DLGAP1: variants seen among roughly 807,000 people sequenced by gnomAD.
DLGAP1 encodes DLG associated protein 1.
DLGAP1 carries 11 observed loss-of-function variants against 90.8 expected under a neutral mutation model. That is an observed-to-expected ratio of 0.12 (90% CI 0.08 to 0.20). The LOEUF is 0.20. Ranked by LOEUF, DLGAP1 falls within the 10% of genes least tolerant of loss-of-function variation. The probability of loss-of-function intolerance (pLI) is 1.00; values close to 1 mark genes in which losing one functional copy is unlikely to be tolerated. For missense variants in DLGAP1, 1,050 were observed against 1,333.8 expected, an observed-to-expected ratio of 0.79 and a Z score of 3.31; for synonymous variants, 558 against 540.7, an observed-to-expected ratio of 1.03 and a Z score of -0.44.
intron 7 of DLGAP1, among the ~76,000 whole-genome samples, chr18:3,699,834 C>A (rs903931317): frequency 1.3e-5 from 2 of 152,196 alleles, no homozygotes; most frequent in Non-Finnish European, 2.9e-5. Context: ...AGATGCCCTG[C>A]CCAGAGAGGA....
chr18:3,716,698 A>G (rs984972487), intron 7 of DLGAP1, among the ~76,000 whole-genome samples: 1 of 152,138 alleles, frequency 6.6e-6, no homozygotes, highest in Non-Finnish European at 1.5e-5. Flanking sequence ...TTCCTGAGCA[A>G]AAATTCTTGA....
intron 1 of DLGAP1, among the ~76,000 whole-genome samples, chr18:4,389,352 A>T (rs2082296276): frequency 6.6e-6 from 1 of 152,164 alleles, no homozygotes. Flanking sequence ...ATGGCTGCCA[A>T]GGGGTACGGG....
intron 11 of DLGAP1, among the ~76,000 whole-genome samples, chr18:3,508,016 C>A (rs959247291): frequency 6.6e-6 from 1 of 152,156 alleles, no homozygotes; most frequent in African/African-American, 2.4e-5. Flanking sequence ...GGATTACAGG[C>A]GTGAGCCATT....
intron 1 of DLGAP1, among the ~76,000 whole-genome samples, chr18:4,381,802 T>C (rs544199528): frequency 8.5e-5 from 13 of 152,292 alleles, no homozygotes; most frequent in Admixed American, 3.3e-4. Context: ...TGTATTAGTC[T>C]GTTTTCATGC....
At chr18:3,837,719 G>T (rs778687499) in intron 4 of DLGAP1, among the ~76,000 whole-genome samples, 13 of 151,808 alleles carry the variant, frequency 8.6e-5, no homozygotes, top group Admixed American at 2.6e-4. Flanking sequence ...GGGCGTGGTG[G>T]TGTGTGCCTG....
intron 2 of DLGAP1, among the ~76,000 whole-genome samples, chr18:4,073,430 C>T (rs1196149252): frequency 6.6e-6 from 1 of 152,134 alleles, no homozygotes; most frequent in African/African-American, 2.4e-5. Flanking sequence ...ATCAACAGCA[C>T]GTTCTTCCAG....
chr18:3,510,059 T>C (rs2050455453), intron 10 of DLGAP1, among the ~76,000 whole-genome samples: 1 of 152,160 alleles, frequency 6.6e-6, no homozygotes, highest in Admixed American at 6.5e-5. Flanking sequence ...CTGCTCTGCT[T>C]TTAAAATCTC....
intron 1 of DLGAP1, among the ~76,000 whole-genome samples, chr18:4,197,151 GA>G (rs1435002278): frequency 3.0e-5 from 4 of 135,536 alleles, no homozygotes; most frequent in African/African-American, 1.2e-4. Context: ...CCAGCCTGGG[GA>G]CAGGAGCGAA....
At chr18:4,335,067 T>C (rs75052597) in intron 1 of DLGAP1, among the ~76,000 whole-genome samples, 14,150 of 151,932 alleles carry the variant, frequency 0.093, 875 homozygotes, top group Admixed American at 0.13. Context: ...AATCTCTCTT[T>C]AAGAATTATA....
At chr18:4,411,077 A>G (rs145732140) in intron 1 of DLGAP1, among the ~76,000 whole-genome samples, 31 of 152,296 alleles carry the variant, frequency 2.0e-4, no homozygotes, top group African/African-American at 5.3e-4. Flanking sequence ...CTTTGGTGCA[A>G]CTGCATCTTA....
intron 2 of DLGAP1, among the ~76,000 whole-genome samples, chr18:4,049,538 T>C (rs2143039791): frequency 6.6e-6 from 1 of 152,284 alleles, no homozygotes; most frequent in Non-Finnish European, 1.5e-5. Context: ...CCCTCTGGGC[T>C]CTAATTTATA....
chr18:4,388,805 A>G (rs2082285542), intron 1 of DLGAP1, among the ~76,000 whole-genome samples: 1 of 152,210 alleles, frequency 6.6e-6, no homozygotes, highest in Non-Finnish European at 1.5e-5. Flanking sequence ...CCACAATGAG[A>G]TATCACCTCA....
intron 1 of DLGAP1, among the ~76,000 whole-genome samples, chr18:4,447,267 T>C (rs968977313): frequency 3.4e-5 from 5 of 149,090 alleles, no homozygotes; most frequent in Non-Finnish European, 7.4e-5. Flanking sequence ...CAAAGATTGA[T>C]ACCTTTATCA....
At chr18:4,087,583 G>C (rs1458361082) in intron 2 of DLGAP1, among the ~76,000 whole-genome samples, 1 of 152,086 alleles carries the variant, frequency 6.6e-6, no homozygotes, top group African/African-American at 2.4e-5. Context: ...AAGGCTCTCA[G>C]CTCTGAAGGC....
chr18:3,685,346 G>A (rs1206727065), intron 7 of DLGAP1, among the ~76,000 whole-genome samples: 1 of 152,070 alleles, frequency 6.6e-6, no homozygotes, highest in Admixed American at 6.6e-5. Context: ...TGGACCACTT[G>A]AGGTCAGGAG....
At chr18:3,959,791 T>C (rs562143279) in intron 3 of DLGAP1, among the ~76,000 whole-genome samples, 1 of 152,318 alleles carries the variant, frequency 6.6e-6, no homozygotes, top group African/African-American at 2.4e-5. Flanking sequence ...GTTACTAATA[T>C]ATTTTATGTA....
At chr18:4,045,465 A>AAAG (rs2075038289) in intron 2 of DLGAP1, among the ~76,000 whole-genome samples, 3 of 130,194 alleles carry the variant, frequency 2.3e-5, no homozygotes, top group Admixed American at 1.6e-4. Context: ...AAAAAAAAAA[A>AAAG]GCTTGCCCCT....
intron 5 of DLGAP1, among the ~76,000 whole-genome samples, chr18:3,785,218 C>G (rs112651917): frequency 6.6e-6 from 1 of 152,172 alleles, no homozygotes; most frequent in Non-Finnish European, 1.5e-5. Flanking sequence ...GAGTTATTAT[C>G]TTACAGTTCT....
intron 1 of DLGAP1, among the ~76,000 whole-genome samples, chr18:4,247,605 G>A (rs1184802342): frequency 2.6e-5 from 4 of 151,946 alleles, no homozygotes; most frequent in Admixed American, 1.3e-4. Flanking sequence ...GCAAAACCCC[G>A]TCTCTACTAA....
Sources: allele counts gnomAD v4.1 joint callset (sites outside exome capture counted in the v4.1 genomes callset), GRCh38; gene constraint gnomAD v4.1.1; transcripts MANE v1.5; gene names NCBI Gene and HGNC (gene_info 2026-07-23, HGNC 2026-07-21).